Variants in PRKCE observed in about 807,000 individuals in gnomAD.
The protein encoded by PRKCE is protein kinase C epsilon, also known as protein kinase C epsilon type.
In PRKCE, 16 loss-of-function variants were observed where a neutral mutation model predicts 85.4. That is an observed-to-expected ratio of 0.19 (90% CI 0.13 to 0.28). The LOEUF (loss-of-function observed/expected upper bound fraction) is 0.28, where lower values mean the gene tolerates loss of function less well. Ranked by LOEUF, PRKCE falls within the 10% of genes least tolerant of loss-of-function variation. The pLI is 1.00. For missense variants in PRKCE, 573 were observed against 975.2 expected (o/e 0.59, Z 5.49); for synonymous variants, 388 against 371.5 (o/e 1.04, Z -0.51).
chr2:46,092,751 C>G (rs902789114), intron 11 of PRKCE, among the ~76,000 whole-genome samples: 11 of 152,148 alleles, frequency 7.2e-5, no homozygotes, highest in African/African-American at 2.4e-4. Flanking sequence ...ATGGAAAATG[C>G]ATACGAAGTT....
At chr2:45,668,960 C>G (rs1676035318) in intron 1 of PRKCE, among the ~76,000 whole-genome samples, 1 of 152,258 alleles carries the variant, frequency 6.6e-6, no homozygotes, top group African/African-American at 2.4e-5. Context: ...CCTTATTTCC[C>G]CAAGTCCCTG....
chr2:45,934,803 G>T (rs1699308346), intron 2 of PRKCE, among the ~76,000 whole-genome samples: 2 of 150,472 alleles, frequency 1.3e-5, no homozygotes, highest in Admixed American at 1.3e-4. Context: ...CTTATAATCT[G>T]AATACTTTGG....
chr2:45,931,873 A>T (rs2104060714), intron 2 of PRKCE, among the ~76,000 whole-genome samples: 1 of 151,978 alleles, frequency 6.6e-6, no homozygotes, highest in Non-Finnish European at 1.5e-5. Context: ...CACTCAGCTA[A>T]TTTTTGTATT....
intron 1 of PRKCE, among the ~76,000 whole-genome samples, chr2:45,820,631 G>T (rs1247092942): frequency 1.3e-5 from 2 of 152,162 alleles, no homozygotes; most frequent in Admixed American, 6.5e-5. Context: ...CTATTTGGAA[G>T]TGAGGTCCTT....
chr2:46,161,981 G>A (rs114435698), intron 14 of PRKCE, among the ~76,000 whole-genome samples: 2,540 of 152,234 alleles, frequency 0.017, 46 homozygotes, highest in Admixed American at 0.055. Context: ...TGAGGGATGG[G>A]GAAAAACCTA....
chr2:45,770,210 G>A (rs1460903051), intron 1 of PRKCE, among the ~76,000 whole-genome samples: 1 of 152,168 alleles, frequency 6.6e-6, no homozygotes, highest in East Asian at 1.9e-4. Context: ...CCTCCTGTCC[G>A]GGGAGTTGCT....
chr2:46,169,393 G>T (rs1178668044), intron 14 of PRKCE, among the ~76,000 whole-genome samples: 4 of 152,148 alleles, frequency 2.6e-5, no homozygotes, highest in Non-Finnish European at 5.9e-5. Context: ...AGAAGGCCTG[G>T]CCACATAGCA....
intron 2 of PRKCE, among the ~76,000 whole-genome samples, chr2:45,875,065 C>T (rs1694372032): frequency 6.6e-6 from 1 of 152,016 alleles, no homozygotes; most frequent in Admixed American, 6.5e-5. Flanking sequence ...CAGGACCCCA[C>T]CAGGTGCCTC....
At chr2:46,173,523 C>T (rs1039694681) in intron 14 of PRKCE, among the ~76,000 whole-genome samples, 4 of 152,192 alleles carry the variant, frequency 2.6e-5, no homozygotes, top group African/African-American at 9.7e-5. Flanking sequence ...CTCACTTTAC[C>T]AATAGCAGAC....
intron 13 of PRKCE, among the ~76,000 whole-genome samples, chr2:46,157,233 A>G (rs1354164281): frequency 6.6e-6 from 1 of 152,158 alleles, no homozygotes; most frequent in Non-Finnish European, 1.5e-5. Context: ...GGAAAACCTC[A>G]GCCGCACCCG....
At chr2:45,828,356 C>A (rs537441879) in intron 1 of PRKCE, among the ~76,000 whole-genome samples, 1 of 152,312 alleles carries the variant, frequency 6.6e-6, no homozygotes, top group East Asian at 1.9e-4. Context: ...GCCAAGGTAG[C>A]ACCACTGCTC....
intron 11 of PRKCE, among the ~76,000 whole-genome samples, chr2:46,111,119 A>G (rs1672211745): frequency 6.6e-6 from 1 of 152,132 alleles, no homozygotes; most frequent in Admixed American, 6.5e-5. Context: ...ATCTATCTTG[A>G]TGACCATTAC....
chr2:46,133,239 G>A (rs867941550), intron 11 of PRKCE, among the ~76,000 whole-genome samples: 1 of 152,208 alleles, frequency 6.6e-6, no homozygotes, highest in Admixed American at 6.5e-5. Context: ...TTTAGCTGGA[G>A]TGGCCCTTTC....
At chr2:45,896,581 C>T (rs141689658) in intron 2 of PRKCE, among the ~76,000 whole-genome samples, 212 of 152,224 alleles carry the variant, frequency 1.4e-3, no homozygotes, top group African/African-American at 3.9e-3. Context: ...GGGAAATGTG[C>T]GTAAATACTT....
In PRKCE at chr2:45,979,030, TA is replaced by T. The variant is rs1200548048; in HGVS notation, c.607+23del. Reference sequence around the variant, plus strand: ...GTCAAGGTAAGAGGCATTTATGAATTAAATCTTCAGAGGCCCGTGGTTAGAT... The same window carrying T: ...GTCAAGGTAAGAGGCATTTATGAATTAATCTTCAGAGGCCCGTGGTTAGAT... On this transcript the variant is annotated intron_variant, in intron 4 of 14. Transcript: ENST00000306156. 1.3e-6 allele frequency: 2 copies of T among 1,597,952 alleles called. No individual in the cohort carries two copies. The highest frequency in any genetic ancestry group is 1.7e-6 in the Non-Finnish European group (2 of 1,178,452).
chr2:45,986,763 A>C (rs961278208), intron 6 of PRKCE, among the ~76,000 whole-genome samples: 2 of 152,146 alleles, frequency 1.3e-5, no homozygotes, highest in African/African-American at 4.8e-5. Context: ...GGACATGCCC[A>C]GCATCCTGTG....
intron 13 of PRKCE, among the ~76,000 whole-genome samples, chr2:46,156,769 C>T (rs1490820510): frequency 6.6e-6 from 1 of 152,154 alleles, no homozygotes; most frequent in Non-Finnish European, 1.5e-5. Flanking sequence ...TCATTATTTG[C>T]TTGCTGGTTT....
intron 2 of PRKCE, among the ~76,000 whole-genome samples, chr2:45,854,685 G>A (rs1692539522): frequency 1.3e-5 from 2 of 152,334 alleles, no homozygotes; most frequent in Admixed American, 6.5e-5. Flanking sequence ...ACGGGCGTGA[G>A]TCCATGAGAA....
At chr2:45,827,545 A>T (rs1270874316) in intron 1 of PRKCE, among the ~76,000 whole-genome samples, 3 of 152,228 alleles carry the variant, frequency 2.0e-5, no homozygotes, top group Non-Finnish European at 4.4e-5. Flanking sequence ...ACAAGCACAG[A>T]TGTATAAGGA....
Sources: allele counts gnomAD v4.1 joint callset (sites outside exome capture counted in the v4.1 genomes callset), GRCh38; gene constraint gnomAD v4.1.1; transcripts MANE v1.5; gene names NCBI Gene and HGNC (gene_info 2026-07-23, HGNC 2026-07-21).